PUM3: variants seen among roughly 807,000 people sequenced by gnomAD.
The protein encoded by PUM3 is pumilio RNA binding family member 3, also known as pumilio homolog 3.
Under a neutral mutation model 84.0 loss-of-function variants are expected in PUM3, and 91 were observed. The ratio of observed to expected loss-of-function variants is 1.08; its 90% CI spans 0.91 to 1.29. The LOEUF is 1.29. PUM3 is among the 50% of genes most tolerant of loss of function. The probability of loss-of-function intolerance (pLI) is 0.00; values close to 1 mark genes in which losing one functional copy is unlikely to be tolerated. For synonymous variants in PUM3, 321 were observed against 266.7 expected, an observed-to-expected ratio of 1.20 and a Z score of -1.98; for missense variants, 1,067 against 767.5, an observed-to-expected ratio of 1.39 and a Z score of -4.61.
intron 11 of PUM3, among the ~76,000 whole-genome samples, chr9:2,824,375 C>G (rs959239184): frequency 1.3e-5 from 2 of 152,168 alleles, no homozygotes; most frequent in African/African-American, 4.8e-5. Context: ...TTTGTTATCT[C>G]TTCCCATTTT....
chr9:2,836,225 G>C (rs532222894), intron 3 of PUM3, among the ~76,000 whole-genome samples: 11 of 152,292 alleles, frequency 7.2e-5, no homozygotes, highest in African/African-American at 1.9e-4. Context: ...ACCAGGACTA[G>C]GGGATGGCAC....
Position 2,804,375 on chromosome 9 carries a change from T to C in PUM3, c.1903A>G (p.Thr635Ala), listed in dbSNP as rs145258798. The change falls in exon 18 of 18, where the codon ACC (threonine) becomes GCC (alanine). Residue 635 changes from threonine to alanine, a missense_variant. By Grantham distance (58) the Thr-to-Ala change is moderately conservative. Transcript: ENST00000397885. ...AGTAGAATTTCTATTCCTTTGCTGG[T>C]GCTTTTGGTTTTTTCCAATGTAGGA... is the stretch of plus-strand genomic sequence containing the variant. ...LIPTLEKTKS[T>A]SKGIEILLEK... 2.0e-4 allele frequency: 321 copies of C among 1,614,012 alleles called. 1 individual carries two copies. The South Asian group carries it at 2.2e-3, about 11-fold the overall frequency.
At chr9:2,833,001 A>T (rs1218797388) in intron 5 of PUM3, among the ~76,000 whole-genome samples, 1 of 152,242 alleles carries the variant, frequency 6.6e-6, no homozygotes, top group South Asian at 2.1e-4. Context: ...CACATCACAA[A>T]TATAAAGAAG....
At chr9:2,840,430 GTCC>G (rs1452763087) in intron 1 of PUM3, among the ~76,000 whole-genome samples, 3 of 152,160 alleles carry the variant, frequency 2.0e-5, no homozygotes. Context: ...GACATCCTAT[GTCC>G]TCCTAAGTTT....
Position 2,837,267 on chromosome 9 carries a change from G to C in PUM3, c.217C>G (p.Gln73Glu). ...KGVKQFKNKQ[Q>E]GDKSPKNKFQ... Reference sequence around the variant, plus strand: ...TTGTTCTTTGGTGATTTGTCCCCTTGCTGCTTATTCTTGAACTGCTTTACA... The same window carrying C: ...TTGTTCTTTGGTGATTTGTCCCCTTCCTGCTTATTCTTGAACTGCTTTACA... Residue 73 changes from glutamine to glutamate, a missense_variant, in exon 3 of 18, where the codon CAA (glutamine) becomes GAA (glutamate). Transcript: ENST00000397885. 1.2e-6 allele frequency: 2 copies of C among 1,614,040 alleles called. No individual in the cohort carries two copies. Among genetic ancestry groups the C allele is most frequent in the South Asian group, 1.1e-5 (1 of 91,076 alleles).
At chr9:2,822,728 CATAAT>C (rs1257454412) in intron 12 of PUM3, among the ~76,000 whole-genome samples, 1 of 146,146 alleles carries the variant, frequency 6.8e-6, no homozygotes, top group Non-Finnish European at 1.5e-5. Flanking sequence ...ATATTTATAA[CATAAT>C]AATATAATGT....
chr9:2,836,220 G>C (rs1384028086), intron 3 of PUM3, among the ~76,000 whole-genome samples: 1 of 152,124 alleles, frequency 6.6e-6, no homozygotes, highest in Non-Finnish European at 1.5e-5. Flanking sequence ...CAAGCACCAG[G>C]ACTAGGGGAT....
intron 2 of PUM3, 26 bp from the exon 3 acceptor site, chr9:2,837,427 C>T: frequency 1.4e-6 from 2 of 1,479,082 alleles, no homozygotes; most frequent in Non-Finnish European, 1.9e-6. Flanking sequence ...ATTATAAGTT[C>T]AATGATTCTG....
At chr9:2,818,997 A>T (rs1318493573) in intron 13 of PUM3, among the ~76,000 whole-genome samples, 1 of 152,230 alleles carries the variant, frequency 6.6e-6, no homozygotes, top group Non-Finnish European at 1.5e-5. Context: ...CAGATGTGAA[A>T]GTACCACATG....
chr9:2,830,087 A>C (rs1815935383), intron 7 of PUM3, 139 bp from the exon 8 acceptor site: 6 of 643,252 alleles, frequency 9.3e-6, no homozygotes, highest in Non-Finnish European at 1.6e-5. Flanking sequence ...TGCATTGAGA[A>C]GCTGTGGCCA....
At chr9:2,830,112 C>T (rs1815935946) in intron 7 of PUM3, among the ~76,000 whole-genome samples, 164 bp from the exon 8 acceptor site, 1 of 151,440 alleles carries the variant, frequency 6.6e-6, no homozygotes, top group Non-Finnish European at 1.5e-5. Flanking sequence ...ATAGTAAATG[C>T]TCAATAAATG....
intron 12 of PUM3, among the ~76,000 whole-genome samples, chr9:2,822,527 G>A (rs537482500): frequency 1.4e-4 from 21 of 151,628 alleles, no homozygotes; most frequent in Admixed American, 1.4e-3. Context: ...TAAATTACCT[G>A]ACATAAACAA....
At chr9:2,836,100 C>G (rs1816113870) in intron 3 of PUM3, among the ~76,000 whole-genome samples, 1 of 152,038 alleles carries the variant, frequency 6.6e-6, no homozygotes, top group Non-Finnish European at 1.5e-5. Flanking sequence ...ATGAAAAGAT[C>G]CTGGAGCCCT....
At chr9:2,830,831 C>T (rs1332429507) in intron 7 of PUM3, 131 bp downstream of exon 7, 6 of 600,114 alleles carry the variant, frequency 1.0e-5, no homozygotes, top group African/African-American at 3.8e-5. Context: ...AAAAACAACA[C>T]AAGCATCTGC....
At chr9:2,826,340 A>C (rs1022626556) in intron 10 of PUM3, among the ~76,000 whole-genome samples, 3 of 152,214 alleles carry the variant, frequency 2.0e-5, no homozygotes, top group African/African-American at 7.2e-5. Context: ...AAAAATCTCC[A>C]AAACAGAAGG....
chr9:2,835,472 T>A (rs946350774), intron 3 of PUM3, among the ~76,000 whole-genome samples: 2 of 152,216 alleles, frequency 1.3e-5, no homozygotes, highest in Admixed American at 6.5e-5. Flanking sequence ...TTATGTTTGC[T>A]CATGAAATTA....
intron 9 of PUM3, among the ~76,000 whole-genome samples, chr9:2,827,496 G>T (rs760840514): frequency 6.6e-6 from 1 of 152,118 alleles, no homozygotes; most frequent in Non-Finnish European, 1.5e-5. Context: ...ATCCACATGT[G>T]GATGTATTTT....
At chr9:2,806,739 C>A (rs1031125094) in intron 17 of PUM3, among the ~76,000 whole-genome samples, 1 of 152,214 alleles carries the variant, frequency 6.6e-6, no homozygotes, top group South Asian at 2.1e-4. Context: ...TAGCTCATCA[C>A]TGTTTTTTTC....
At position 2,829,900 on chromosome 9, in the gene PUM3, C is replaced by CACGTGGCCTTTAAAACTTCTGATT; in HGVS notation, c.702_725dup (p.Ile235_Val242dup). ...CTTCCGCATGCCGCAGCATCTTCCT[C>CACGTGGCCTTTAAAACTTCTGATT]ACGTGGCCTTTAAAACTTCTGATTA... On this transcript the variant is annotated inframe_insertion, in exon 8 of 18. Coordinates refer to ENST00000397885, the MANE Select transcript of PUM3 (RefSeq NM_014878.5). 2.5e-6 allele frequency: 4 copies of CACGTGGCCTTTAAAACTTCTGATT among 1,613,936 alleles called. No homozygotes were observed. Among genetic ancestry groups the CACGTGGCCTTTAAAACTTCTGATT allele is most frequent in the Non-Finnish European group, 2.5e-6 (3 of 1,179,850 alleles).
Sources: gnomAD v4.1 joint callset for allele counts (sites outside exome capture counted in the v4.1 genomes callset) on GRCh38, gnomAD v4.1.1 for gene constraint, MANE v1.5 for transcripts, NCBI Gene and HGNC (gene_info 2026-07-23, HGNC 2026-07-21) for gene names.